The following GPAT3 variants were observed in gnomAD, a reference collection of about 807,000 sequenced individuals.
GPAT3 encodes the protein glycerol-3-phosphate acyltransferase 3, also known as 1-AGP acyltransferase 9.
In GPAT3, 53 loss-of-function variants were observed where a neutral mutation model predicts 58.8. The observed-to-expected ratio is 0.90, with a 90% CI of 0.72 to 1.13. The LOEUF (loss-of-function observed/expected upper bound fraction) is 1.13, where lower values mean the gene tolerates loss of function less well. Among genes scored for constraint, GPAT3 ranks in the 50% most tolerant of loss-of-function variants. GPAT3 has a pLI of 0.00. For missense variants in GPAT3, 511 were observed against 527.6 expected (o/e 0.97, Z 0.31); for synonymous variants, 197 against 187.4 (o/e 1.05, Z -0.42).
chr4:83,540,716 C>T (rs1438314614), intron 1 of GPAT3, among the ~76,000 whole-genome samples: 4 of 152,034 alleles, frequency 2.6e-5, no homozygotes, highest in African/African-American at 4.8e-5. Flanking sequence ...GACAGAGCCT[C>T]GCTCTGTCAC....
chr4:83,598,855 T>A (rs1158407146), intron 11 of GPAT3, 132 bp downstream of exon 11: 2 of 652,868 alleles, frequency 3.1e-6, no homozygotes. Context: ...TGTAGCCTGA[T>A]CATAGTTCAC....
chr4:83,577,483 G>C (rs1290748184), intron 2 of GPAT3, among the ~76,000 whole-genome samples: 1 of 152,142 alleles, frequency 6.6e-6, no homozygotes, highest in Non-Finnish European at 1.5e-5. Flanking sequence ...TGGGTATGAT[G>C]TTTACTACAT....
chr4:83,562,211 T>TTATATATA (rs1553944907), intron 2 of GPAT3, among the ~76,000 whole-genome samples: 3 of 73,008 alleles, frequency 4.1e-5, no homozygotes, highest in East Asian at 3.1e-4. Flanking sequence ...TATATATATA[T>TTATATATA]TATATATATA....
chr4:83,586,095 C>T (rs1280305414), intron 3 of GPAT3, among the ~76,000 whole-genome samples: 1 of 151,976 alleles, frequency 6.6e-6, no homozygotes, highest in African/African-American at 2.4e-5. Context: ...ATATTATTGC[C>T]TCATAGAGTC....
intron 2 of GPAT3, among the ~76,000 whole-genome samples, chr4:83,570,257 T>C (rs1004013899): frequency 6.6e-6 from 1 of 152,192 alleles, no homozygotes; most frequent in African/African-American, 2.4e-5. Context: ...AATTTCCTCA[T>C]GTATAAGTTG....
intron 2 of GPAT3, among the ~76,000 whole-genome samples, chr4:83,570,571 C>T (rs1236175222): frequency 6.7e-6 from 1 of 148,384 alleles, no homozygotes; most frequent in African/African-American, 2.5e-5. Context: ...CTCCTGGGTT[C>T]AAGTGATTCT....
chr4:83,588,162 C>A, intron 4 of GPAT3, 48 bp from the exon 5 acceptor site: 1 of 1,543,528 alleles, frequency 6.5e-7, no homozygotes, highest in Non-Finnish European at 8.9e-7. Context: ...TATATTGTTT[C>A]TTAAGAGTGC....
chr4:83,598,665 T>C lies in GPAT3; in HGVS notation c.1147T>C (p.Phe383Leu), dbSNP rs1223090511. 1 of 1,608,020 alleles carries C rather than the reference T, an allele frequency of 6.2e-7. No individual in the cohort carries two copies. The highest frequency in any genetic ancestry group is 2.2e-5 in the East Asian group (1 of 44,636). Residue 383 changes from phenylalanine (F) to leucine (L), a missense_variant, in exon 11 of 12, where the codon TTT becomes CTT. Physicochemically the swap from Phe to Leu is conservative, Grantham distance 22. Coordinates refer to ENST00000264409, the MANE Select transcript of GPAT3 (RefSeq NM_032717.5). The part of the protein sequence containing the change: ...TREEGEDAVQ[F>L]ANRVKSAIAI... ...CCAGGAAGGAGAAGATGCAGTCCAG[T>C]TTGCTAACAGGGTTAAGTCTGCTAT...
chr4:83,579,044 TTC>T (rs1395855351), intron 2 of GPAT3, among the ~76,000 whole-genome samples: 2 of 30,886 alleles, frequency 6.5e-5, no homozygotes, highest in Admixed American at 6.5e-4. Context: ...CTTTCTTTCT[TTC>T]TTTCTTTCTT....
Position 83,562,795 on chromosome 4 carries a change from T to TATAGACAGACAGATAGATAG in GPAT3, c.208+18198_208+18199insCAGACAGATAGATAGATAGA, listed in dbSNP as rs138756388. Among the ~76,000 whole-genome samples the TATAGACAGACAGATAGATAG allele has an allele frequency of 8.1e-3, 1,213 of 150,616 alleles. 16 individuals are homozygous for TATAGACAGACAGATAGATAG. Among genetic ancestry groups the TATAGACAGACAGATAGATAG allele is most frequent in the African/African-American group, 0.028 (1,128 of 40,800 alleles). On this transcript the variant is annotated intron_variant, in intron 2 of 11. Transcript: ENST00000264409. ...GGAAACAGAGAGAGATAGAAAGAGA[T>TATAGACAGACAGATAGATAG]ATAGATAGATAGATAGATAGATAGA...
chr4:83,603,539 C>G (rs1164884727), intron 11 of GPAT3, among the ~76,000 whole-genome samples: 1 of 152,020 alleles, frequency 6.6e-6, no homozygotes, highest in Admixed American at 6.5e-5. Context: ...GCCTGTAATC[C>G]CAGCACTTTG....
At chr4:83,538,934 GA>G (rs1724195420) in intron 1 of GPAT3, among the ~76,000 whole-genome samples, 1 of 152,204 alleles carries the variant, frequency 6.6e-6, no homozygotes, top group African/African-American at 2.4e-5. Flanking sequence ...TGTGGAATTT[GA>G]ATACAGATTC....
At chr4:83,595,629 G>A (rs113115775) in intron 7 of GPAT3, among the ~76,000 whole-genome samples, 4,403 of 152,076 alleles carry the variant, frequency 0.029, 210 homozygotes, top group African/African-American at 0.1. Context: ...AGGAAGGATC[G>A]CTTGAGACCA....
intron 7 of GPAT3, 155 bp downstream of exon 7, chr4:83,595,115 C>T (rs974163292): frequency 1.7e-6 from 1 of 585,610 alleles, no homozygotes; most frequent in Non-Finnish European, 3.0e-6. Context: ...CTGTCTTAGC[C>T]AGATTTTTAA....
Position 83,536,747 on chromosome 4 carries a change from T to G in GPAT3, c.125T>G (p.Leu42Arg). 1 of 1,612,056 alleles carries G rather than the reference T, an allele frequency of 6.2e-7. No homozygotes were observed. Among genetic ancestry groups the G allele is most frequent in the Non-Finnish European group, 8.5e-7 (1 of 1,179,538 alleles). ...LGISEIYMKI[L>R]VKTLEWATIR... Reference sequence around the variant, plus strand: ...ATCTCCGAGATCTACATGAAGATCCTAGTGAAAACTTTAGAGGTGAGTGCC... The same window carrying G: ...ATCTCCGAGATCTACATGAAGATCCGAGTGAAAACTTTAGAGGTGAGTGCC... The change falls in exon 1 of 12, where the codon CTA becomes CGA. Residue 42 changes from leucine to arginine, a missense_variant. Coordinates refer to ENST00000264409, the MANE Select transcript of GPAT3 (RefSeq NM_032717.5).
intron 7 of GPAT3, chr4:83,595,362 A>G: frequency 6.5e-6 from 1 of 153,078 alleles, no homozygotes; most frequent in East Asian, 1.9e-4. Context: ...TGAAGGTTAA[A>G]TATTTGATAA....
At chr4:83,536,817 G>A (rs1262681509) in intron 1 of GPAT3, 54 bp downstream of exon 1, 4 of 1,535,190 alleles carry the variant, frequency 2.6e-6, no homozygotes, top group Admixed American at 1.7e-5. Flanking sequence ...CTGAGAACCC[G>A]GGGGTCCAGT....
At chr4:83,562,198 T>TAA (rs1396333633) in intron 2 of GPAT3, among the ~76,000 whole-genome samples, 10 of 40,816 alleles carry the variant, frequency 2.5e-4, no homozygotes, top group South Asian at 7.5e-4. Context: ...TATATATATA[T>TAA]AATATATATA....
chr4:83,547,413 C>T (rs1452068301), intron 2 of GPAT3, among the ~76,000 whole-genome samples: 4 of 151,576 alleles, frequency 2.6e-5, no homozygotes, highest in East Asian at 1.9e-4. Context: ...CCACCACGCC[C>T]AGCTAATTTT....
Sources: gnomAD v4.1 joint callset for allele counts (sites outside exome capture counted in the v4.1 genomes callset) on GRCh38, gnomAD v4.1.1 for gene constraint, MANE v1.5 for transcripts, NCBI Gene and HGNC (gene_info 2026-07-23, HGNC 2026-07-21) for gene names.